The following PLXNA4 variants were observed in gnomAD, a reference collection of about 807,000 sequenced individuals.
PLXNA4 encodes plexin-A4.
PLXNA4 carries 44 observed loss-of-function variants against 191.8 expected under a neutral mutation model. The observed-to-expected ratio is 0.23, with a 90% CI of 0.18 to 0.29. The LOEUF (loss-of-function observed/expected upper bound fraction) is 0.29. PLXNA4 is among the 10% of genes least tolerant of loss of function. The pLI, the probability that PLXNA4 is intolerant of heterozygous loss-of-function variation, is 1.00. For missense variants in PLXNA4, 1,800 were observed against 2,488.8 expected, an observed-to-expected ratio of 0.72 and a Z score of 5.89; for synonymous variants, 1,082 against 1,009.5, an observed-to-expected ratio of 1.07 and a Z score of -1.36.
At chr7:132,153,076 G>C (rs769726649) in intron 25 of PLXNA4, among the ~76,000 whole-genome samples, 65 of 152,360 alleles carry the variant, frequency 4.3e-4, no homozygotes, top group Non-Finnish European at 6.8e-4. Flanking sequence ...GGCTGTGCAA[G>C]AGCCTGCTGG....
At chr7:132,170,422 G>T (rs1448182513) in intron 21 of PLXNA4, among the ~76,000 whole-genome samples, 1 of 152,110 alleles carries the variant, frequency 6.6e-6, no homozygotes, top group Non-Finnish European at 1.5e-5. Context: ...AAAGGAGAGG[G>T]GGTATGAAAA....
At chr7:132,562,622 C>T (rs1801264959) in intron 1 of PLXNA4, among the ~76,000 whole-genome samples, 3 of 123,920 alleles carry the variant, frequency 2.4e-5, no homozygotes, top group South Asian at 3.2e-4. Flanking sequence ...TCCTCCTCTT[C>T]CTCCTCCTTC....
chr7:132,179,868 G>T lies in PLXNA4; in HGVS notation c.3693C>A (p.Asp1231Glu), dbSNP rs561785917. ...CGATGGCGGGCAGGCTGAGCGGGCTGTCCGGGGCAATGTACACCATCCCCG... is the reference window on the plus strand; with the variant it reads ...CGATGGCGGGCAGGCTGAGCGGGCTTTCCGGGGCAATGTACACCATCCCCG... ...YSPGMVYIAP[D>E]SPLSLPAIVS... The change falls in exon 20 of 32, where the codon GAC becomes GAA. Residue 1231 changes from aspartate to glutamate, a missense_variant. Asp to Glu is a conservative substitution (Grantham distance 45, BLOSUM62 2). Coordinates refer to ENST00000321063, the MANE Select transcript of PLXNA4 (RefSeq NM_020911.2). 2.3e-4 allele frequency: 367 copies of T among 1,613,200 alleles called. 2 individuals carry two copies. The South Asian group carries it at 2.3e-3, about 10-fold the overall frequency.
chr7:132,385,588 G>A (rs1353055321), intron 3 of PLXNA4, among the ~76,000 whole-genome samples: 4 of 152,218 alleles, frequency 2.6e-5, no homozygotes, highest in South Asian at 2.1e-4. Context: ...ATGATGGCAC[G>A]TGTCTTAGAC....
intron 16 of PLXNA4, among the ~76,000 whole-genome samples, chr7:132,184,951 CCAGGATTAG>C (rs1796827780): frequency 6.6e-6 from 1 of 152,108 alleles, no homozygotes; most frequent in Non-Finnish European, 1.5e-5. Context: ...GAAGGTGGGA[CCAGGATTAG>C]CACCTATGTC....
intron 1 of PLXNA4, among the ~76,000 whole-genome samples, chr7:132,525,025 C>T (rs894992214): frequency 1.3e-5 from 2 of 152,190 alleles, no homozygotes; most frequent in Admixed American, 6.5e-5. Context: ...AGAGCCATTT[C>T]ATCTGCCCAA....
intron 2 of PLXNA4, among the ~76,000 whole-genome samples, chr7:132,625,698 A>AT (rs1563198042): frequency 6.6e-6 from 1 of 152,160 alleles, no homozygotes; most frequent in South Asian, 2.1e-4. Flanking sequence ...GAGTAAAATA[A>AT]TTTTCATACT....
At chr7:132,385,435 G>A (rs1805086388) in intron 3 of PLXNA4, 1 of 1,274,176 alleles carries the variant, frequency 7.8e-7, no homozygotes, top group Admixed American at 3.4e-5. Flanking sequence ...ATTACAAAAT[G>A]TATTAAGAGC....
intron 3 of PLXNA4, among the ~76,000 whole-genome samples, chr7:132,369,549 G>A (rs756346492): frequency 7.9e-5 from 12 of 152,146 alleles, no homozygotes; most frequent in Non-Finnish European, 1.0e-4. Context: ...AGAGCCCCCA[G>A]TGGGCATAAC....
chr7:132,448,877 T>C (rs557063581), intron 3 of PLXNA4, among the ~76,000 whole-genome samples: 2 of 152,360 alleles, frequency 1.3e-5, no homozygotes, highest in Middle Eastern at 6.8e-3. Flanking sequence ...GAAATATCTA[T>C]ACAAGACAAC....
chr7:132,227,090 A>T lies in PLXNA4; in HGVS notation c.1882+361T>A, dbSNP rs370425378. Among the ~76,000 whole-genome samples the T allele has an allele frequency of 1.3e-3, 199 of 152,320 alleles. 8 individuals carry two copies. In the South Asian group the frequency reaches 0.04, roughly 30 times the overall value. On this transcript the variant is annotated intron_variant, in intron 7 of 31. Coordinates refer to ENST00000321063, the MANE Select transcript of PLXNA4 (RefSeq NM_020911.2). ...TCGGCCATGTGAGCATCCCTGCTCC[A>T]GCTCAGTGGCCTCCTCCACTGACCC... is the stretch of plus-strand genomic sequence containing the variant.
At chr7:132,169,962 G>A (rs2116673492) in intron 21 of PLXNA4, among the ~76,000 whole-genome samples, 1 of 152,166 alleles carries the variant, frequency 6.6e-6, no homozygotes, top group Non-Finnish European at 1.5e-5. Flanking sequence ...GGCAGGGAGT[G>A]GGAGGGACGG....
intron 1 of PLXNA4, among the ~76,000 whole-genome samples, chr7:132,545,070 G>T (rs1223023595): frequency 2.0e-5 from 3 of 152,020 alleles, no homozygotes; most frequent in African/African-American, 7.3e-5. Flanking sequence ...TGTAGCAAAT[G>T]TATTTTTTTT....
intron 4 of PLXNA4, among the ~76,000 whole-genome samples, chr7:132,276,440 A>AC (rs1008835153): frequency 4.0e-5 from 6 of 150,782 alleles, no homozygotes; most frequent in Non-Finnish European, 5.9e-5. Context: ...TTCTGCAATG[A>AC]CCCCCCCTTT....
chr7:132,206,170 G>A (rs1206154241), intron 10 of PLXNA4, among the ~76,000 whole-genome samples: 1 of 152,218 alleles, frequency 6.6e-6, no homozygotes, highest in Non-Finnish European at 1.5e-5. Flanking sequence ...ATTCAAAGCA[G>A]TACACATCTC....
chr7:132,444,084 CT>C (rs1232658497), intron 3 of PLXNA4, among the ~76,000 whole-genome samples: 10 of 152,370 alleles, frequency 6.6e-5, no homozygotes, highest in Admixed American at 4.6e-4. Context: ...CATTGTCTTG[CT>C]GAATTTCAGC....
At position 132,261,745 on chromosome 7, in the gene PLXNA4, G is replaced by A. The variant is rs74728417; in HGVS notation, c.1504-20579C>T. On this transcript the variant is annotated intron_variant, in intron 4 of 31. Transcript: ENST00000321063. The stretch of plus-strand genomic sequence containing the variant: ...AGAAACAGTTCCAGATGGTGCCTCC[G>A]AGCACATCCTCTGGGTAGCAGCCAC... Among the ~76,000 whole-genome samples the A allele has an allele frequency of 4.5e-3, 681 of 152,282 alleles. 7 individuals are homozygous for A. The highest frequency in any genetic ancestry group is 0.016 in the African/African-American group (648 of 41,544).
intron 2 of PLXNA4, among the ~76,000 whole-genome samples, chr7:132,620,830 T>C (rs188158524): frequency 3.2e-4 from 49 of 152,334 alleles, no homozygotes; most frequent in African/African-American, 1.1e-3. Flanking sequence ...CAGAATACCA[T>C]CAACCGGGTG....
Position 132,452,121 on chromosome 7 carries a change from G to A in PLXNA4, c.1371+37171C>T, listed in dbSNP as rs574059206. 5.3e-5 allele frequency among the ~76,000 whole-genome samples: 8 copies of A among 152,340 alleles called. No individual in the cohort carries two copies. The South Asian group carries it at 1.7e-3, about 32-fold the overall frequency. On this transcript the variant is annotated intron_variant, in intron 3 of 31. Transcript: ENST00000321063. Reference sequence around the variant, plus strand: ...TTGTCTCAAGTCTGGCTTAGCCATGGGAGTCAGAGTAGAGAAAGAAGATGT... The same window carrying A: ...TTGTCTCAAGTCTGGCTTAGCCATGAGAGTCAGAGTAGAGAAAGAAGATGT...
Sources: allele counts gnomAD v4.1 joint callset (sites outside exome capture counted in the v4.1 genomes callset), GRCh38; gene constraint gnomAD v4.1.1; transcripts MANE v1.5; gene names NCBI Gene and HGNC (gene_info 2026-07-23, HGNC 2026-07-21).